C1orf159: variants seen among roughly 807,000 people sequenced by gnomAD.
C1orf159 encodes uncharacterized protein C1orf159.
Under a neutral mutation model 25.6 loss-of-function variants are expected in C1orf159, and 19 were observed. The ratio of observed to expected loss-of-function variants is 0.74; its 90% CI spans 0.52 to 1.09. The LOEUF (loss-of-function observed/expected upper bound fraction) is 1.09. Ranked by LOEUF, C1orf159 falls within the 50% of genes least tolerant of loss-of-function variation. The pLI, the probability that C1orf159 is intolerant of heterozygous loss-of-function variation, is 0.00. For missense variants in C1orf159, 274 were observed against 290.6 expected (o/e 0.94, Z 0.42); for synonymous variants, 139 against 124.7 (o/e 1.12, Z -0.77).
Position 1,087,258 on chromosome 1 carries a change from C to A in C1orf159, c.245-54G>T. The A allele has an allele frequency of 6.7e-7, 1 of 1,498,226 alleles. No individual in the cohort carries two copies. Among genetic ancestry groups the A allele is most frequent in the Non-Finnish European group, 9.0e-7 (1 of 1,106,262 alleles). 92.8% of individuals were successfully genotyped at this position (1,498,226 alleles called of 1,614,324 possible). A position where few individuals can be genotyped will look rare whatever the true frequency, so the allele number is the denominator to read the frequency against. ...TGTGTGCACGGAGCCCACGGGGACA[C>A]CCACGTGCACCCTGAAGGGATCTCA... On this transcript the variant is annotated intron_variant, in intron 5 of 9. Transcript: ENST00000421241. This position sits in a 1 kb window ranked among gnomAD's most constrained non-coding sequence, Gnocchi z 8.3.
At chr1:1,104,049 G>A (rs926663443) in intron 1 of C1orf159, among the ~76,000 whole-genome samples, 21 of 151,982 alleles carry the variant, frequency 1.4e-4, no homozygotes, top group South Asian at 4.1e-4. Flanking sequence ...GTGCAGTGGC[G>A]CAATCTCAGC....
At chr1:1,098,863 C>T (rs79211741) in intron 1 of C1orf159, among the ~76,000 whole-genome samples, 18,721 of 152,148 alleles carry the variant, frequency 0.12, 1,312 homozygotes, top group South Asian at 0.22. Flanking sequence ...CCACCCGACT[C>T]GGGCTCCCAA....
chr1:1,083,867 G>C (rs757245439), intron 9 of C1orf159: 1 of 1,490,672 alleles, frequency 6.7e-7, no homozygotes, highest in Non-Finnish European at 9.1e-7. Context: ...GCTGTGCGCC[G>C]GTCACTCAGC....
At chr1:1,102,470 T>C (rs1156603210) in intron 1 of C1orf159, among the ~76,000 whole-genome samples, 2 of 151,646 alleles carry the variant, frequency 1.3e-5, no homozygotes, top group Non-Finnish European at 2.9e-5. Context: ...GTTATGTTCA[T>C]TCAGTGAATT....
intron 4 of C1orf159, among the ~76,000 whole-genome samples, chr1:1,088,200 A>ACC (rs1342983167): frequency 3.7e-3 from 57 of 15,548 alleles, no homozygotes; most frequent in Non-Finnish European, 4.1e-3. Context: ...CTCCCCCAGG[A>ACC]CCCCCCCCCC....
At chr1:1,090,610 C>A (rs1221589343) in intron 3 of C1orf159, 182 bp from the exon 4 acceptor site, 17 of 711,092 alleles carry the variant, frequency 2.4e-5, no homozygotes, top group Non-Finnish European at 3.8e-5. Flanking sequence ...AGGGGCCTCA[C>A]AGCCACAGTG....
chr1:1,101,738 C>G lies in C1orf159; in HGVS notation c.-135-9635G>C, dbSNP rs141188176. On this transcript the variant is annotated intron_variant, in intron 1 of 9. Coordinates refer to ENST00000421241, the MANE Select transcript of C1orf159 (RefSeq NM_017891.5). The stretch of plus-strand genomic sequence containing the variant: ...GCTGTGTGTGATCTGTTGTTTTTCT[C>G]TGGCTGCTTTCAAGATTTTTAAAGT... Among the ~76,000 whole-genome samples, 775 of 152,198 alleles carry G rather than the reference C, an allele frequency of 5.1e-3. 5 individuals carry two copies. Among genetic ancestry groups the G allele is most frequent in the Non-Finnish European group, 7.5e-3 (507 of 68,020 alleles).
chr1:1,105,239 G>T (rs768835203), intron 1 of C1orf159, among the ~76,000 whole-genome samples: 2 of 152,228 alleles, frequency 1.3e-5, no homozygotes, highest in Non-Finnish European at 2.9e-5. Context: ...AGAAGTAAAG[G>T]CCAGGAGCAG....
In C1orf159 at chr1:1,095,949, A is replaced by C. The variant is rs1646003741; in HGVS notation, c.-135-3846T>G. ...TTCAGTGATCATCCTTTCCTTCTTT[A>C]TTCTAGTAATATGGTGACGACAAAG... is the stretch of plus-strand genomic sequence containing the variant. On this transcript the variant is annotated intron_variant, in intron 1 of 9. Coordinates refer to ENST00000421241, the MANE Select transcript of C1orf159 (RefSeq NM_017891.5). Among the ~76,000 whole-genome samples, 3 of 152,032 alleles carry C rather than the reference A, an allele frequency of 2.0e-5. No homozygotes were observed. In the South Asian group the frequency reaches 6.2e-4, roughly 32 times the overall value.
chr1:1,086,771 G>A lies in C1orf159; in HGVS notation c.310+368C>T, dbSNP rs776652735. ...GAGCGTGAACCTGAGAGTGTGTGGT[G>A]TCAGCGTGAGCCGTGAGTGTGAGCC... On this transcript the variant is annotated intron_variant, in intron 6 of 9. Transcript: ENST00000421241. Among the ~76,000 whole-genome samples, 75 of 152,126 alleles carry A rather than the reference G, an allele frequency of 4.9e-4. 1 individual carries two copies. The highest frequency in any genetic ancestry group is 3.4e-3 in the Middle Eastern group (1 of 294).
In C1orf159 at chr1:1,086,261, G is replaced by A. The variant is rs371545422; in HGVS notation, c.311-249C>T. Among the ~76,000 whole-genome samples, 389 of 152,384 alleles carry A rather than the reference G, an allele frequency of 2.6e-3. 2 individuals are homozygous for A. The highest frequency in any genetic ancestry group is 8.9e-3 in the African/African-American group (369 of 41,594). On this transcript the variant is annotated intron_variant, in intron 6 of 9. Transcript: ENST00000421241. ...GCCCCGGCCTCAGCTTCTCTCAGGA[G>A]CTCGGATGTTGGGAGCGTTACAGGG...
intron 1 of C1orf159, among the ~76,000 whole-genome samples, chr1:1,107,049 G>A (rs984706025): frequency 1.3e-5 from 2 of 148,998 alleles, no homozygotes; most frequent in East Asian, 2.0e-4. Context: ...CCGCACCCCC[G>A]CCCGTGGGCT....
intron 1 of C1orf159, among the ~76,000 whole-genome samples, chr1:1,113,449 T>G (rs1646289053): frequency 6.6e-6 from 1 of 152,014 alleles, no homozygotes; most frequent in Non-Finnish European, 1.5e-5. Flanking sequence ...CTGGAGTGCA[T>G]CGTTGCGATC....
Position 1,091,982 on chromosome 1 carries a change from G to A in C1orf159, c.-23+9C>T, listed in dbSNP as rs1346841680. The stretch of plus-strand genomic sequence containing the variant: ...GCACGGGTGGGGCGAGGTGTAGGCA[G>A]GGCCTTACCTGCCCCTCCAGGATGG... On this transcript the variant is annotated intron_variant, in intron 2 of 9. Transcript: ENST00000421241. The A allele has an allele frequency of 4.4e-6, 2 of 458,862 alleles. No homozygotes were observed. The highest frequency in any genetic ancestry group is 8.7e-6 in the Non-Finnish European group (2 of 228,908). The allele number at this position is 458,862 out of a possible 1,614,324, so 28.4% of individuals were successfully genotyped here. A position where few individuals can be genotyped will look rare whatever the true frequency, so the allele number is the denominator to read the frequency against.
rs897087347 is a variant in C1orf159, at chr1:1,087,940, GCCGAGCACCCCGGCCCTGAGCACC to G, written c.149-367_149-344del. On this transcript the variant is annotated intron_variant, in intron 4 of 9. Transcript: ENST00000421241. This position sits in a 1 kb window ranked among gnomAD's most constrained non-coding sequence, Gnocchi z 8.3. ...CCGAGTACTCCACGCTGCACTCCACGCCGAGCACCCCGGCCCTGAGCACCCCGACCCTGAGTACTCCACACTGCG... is the reference window on the plus strand; with the variant it reads ...CCGAGTACTCCACGCTGCACTCCACGCCGACCCTGAGTACTCCACACTGCG... Among the ~76,000 whole-genome samples the G allele has an allele frequency of 2.0e-5, 3 of 150,602 alleles. No homozygotes were observed. The highest frequency in any genetic ancestry group is 7.4e-5 in the African/African-American group (3 of 40,800).
At position 1,087,090 on chromosome 1, in the gene C1orf159, C is replaced by T; in HGVS notation, c.310+49G>A. 1 of 1,567,730 alleles carries T rather than the reference C, an allele frequency of 6.4e-7. No individual in the cohort carries two copies. ...GGGTCTGCACTGGCTCCGACGGCCC[C>T]CAGCCCCCAGGACACCGGCAGAGGT... On this transcript the variant is annotated intron_variant, in intron 6 of 9. Transcript: ENST00000421241. The surrounding 1 kb of genome is among the most constrained non-coding windows in gnomAD (Gnocchi z 8.3).
In C1orf159 at chr1:1,110,998, C is replaced by T. The variant is rs528046641; in HGVS notation, c.-136+5062G>A. Among the ~76,000 whole-genome samples, 4 of 152,232 alleles carry T rather than the reference C, an allele frequency of 2.6e-5. No individual in the cohort carries two copies. Among genetic ancestry groups the T allele is most frequent in the South Asian group, 2.1e-4 (1 of 4,836 alleles). Reference sequence around the variant, plus strand: ...TGGATCACAGGCAGATTCTACATCACGACAGGAGTCTGGTGAATCCTTTGT... The same window carrying T: ...TGGATCACAGGCAGATTCTACATCATGACAGGAGTCTGGTGAATCCTTTGT... On this transcript the variant is annotated intron_variant, in intron 1 of 9. Transcript: ENST00000421241. The surrounding 1 kb of genome is among the most constrained non-coding windows in gnomAD (Gnocchi z 4.8).
intron 1 of C1orf159, among the ~76,000 whole-genome samples, chr1:1,098,813 T>C (rs1646046938): frequency 6.6e-6 from 1 of 152,168 alleles, no homozygotes; most frequent in African/African-American, 2.4e-5. Flanking sequence ...GGTTTCGCCA[T>C]GTTGGCTAGG....
chr1:1,115,609 A>C (rs1570348413), intron 1 of C1orf159, among the ~76,000 whole-genome samples: 1 of 42,244 alleles, frequency 2.4e-5, no homozygotes, highest in South Asian at 1.5e-3. Flanking sequence ...TCCCCTCCCC[A>C]GGGACCCCCC....
Sources: allele counts gnomAD v4.1 joint callset (sites outside exome capture counted in the v4.1 genomes callset), GRCh38; gene constraint gnomAD v4.1.1; non-coding constraint Gnocchi (gnomAD v3.1); transcripts MANE v1.5; gene names NCBI Gene and HGNC (gene_info 2026-07-23, HGNC 2026-07-21).